Variants in ARHGEF28 observed in about 807,000 individuals in gnomAD.
ARHGEF28 encodes 190 kDa guanine nucleotide exchange factor.
Under a neutral mutation model 206.6 loss-of-function variants are expected in ARHGEF28, and 152 were observed. The observed-to-expected ratio is 0.74, with a 90% confidence interval of 0.64 to 0.84. The LOEUF (loss-of-function observed/expected upper bound fraction) is 0.84. Among genes scored for constraint, ARHGEF28 ranks in the 40% least tolerant of loss-of-function variants. The pLI, the probability that ARHGEF28 is intolerant of heterozygous loss-of-function variation, is 0.00. For missense variants in ARHGEF28, 2,028 were observed against 2,073.2 expected (o/e 0.98, Z 0.42); for synonymous variants, 763 against 776.4 (o/e 0.98, Z 0.29).
At chr5:73,852,875 T>C (rs1035628014) in intron 14 of ARHGEF28, among the ~76,000 whole-genome samples, 183 bp downstream of exon 14, 4 of 152,192 alleles carry the variant, frequency 2.6e-5, no homozygotes, top group African/African-American at 9.7e-5. Flanking sequence ...CCCCTTTCAG[T>C]CCTTGGCTGT....
chr5:73,910,015 G>A, intron 34 of ARHGEF28, 118 bp downstream of exon 34: 1 of 1,358,120 alleles, frequency 7.4e-7, no homozygotes. Flanking sequence ...GACCTCATGA[G>A]GATTTTTCAA....
chr5:73,642,303 T>C (rs1744166016), intron 1 of ARHGEF28, among the ~76,000 whole-genome samples: 1 of 152,228 alleles, frequency 6.6e-6, no homozygotes, highest in South Asian at 2.1e-4. Flanking sequence ...TAGTTTGTCA[T>C]CCTAAATATT....
intron 1 of ARHGEF28, among the ~76,000 whole-genome samples, chr5:73,643,749 A>G (rs1042517149): frequency 6.0e-5 from 9 of 151,024 alleles, no homozygotes; most frequent in Non-Finnish European, 1.0e-4. Flanking sequence ...CAGGAGGCCA[A>G]GGCTGCAGTG....
At chr5:73,738,021 C>G (rs1277102967) in intron 2 of ARHGEF28, among the ~76,000 whole-genome samples, 2 of 152,164 alleles carry the variant, frequency 1.3e-5, no homozygotes, top group Non-Finnish European at 2.9e-5. Flanking sequence ...TATGGTTTAA[C>G]AAAGGTGACG....
chr5:73,769,016 C>T (rs1205512372), intron 4 of ARHGEF28, among the ~76,000 whole-genome samples: 1 of 152,046 alleles, frequency 6.6e-6, no homozygotes, highest in Non-Finnish European at 1.5e-5. Context: ...GTAAGAAGTG[C>T]CTTTTGCCTT....
At chr5:73,823,588 G>A (rs1756721231) in intron 9 of ARHGEF28, among the ~76,000 whole-genome samples, 1 of 152,180 alleles carries the variant, frequency 6.6e-6, no homozygotes, top group African/African-American at 2.4e-5. Flanking sequence ...TGTATCTACT[G>A]TTCTGTGAAT....
At chr5:73,868,806 C>T (rs1759879607) in intron 20 of ARHGEF28, among the ~76,000 whole-genome samples, 1 of 152,110 alleles carries the variant, frequency 6.6e-6, no homozygotes, top group Non-Finnish European at 1.5e-5. Flanking sequence ...ATCACCACCC[C>T]CAGCTAATTT....
At chr5:73,900,961 G>A (rs1580071773) in intron 30 of ARHGEF28, 5 of 431,746 alleles carry the variant, frequency 1.2e-5, no homozygotes, top group African/African-American at 6.0e-5. Context: ...TACTTTGTGC[G>A]GTTCGTCAGT....
chr5:73,856,821 C>CA (rs759096526), intron 14 of ARHGEF28, among the ~76,000 whole-genome samples: 2 of 152,146 alleles, frequency 1.3e-5, no homozygotes, highest in Admixed American at 1.3e-4. Context: ...CTATGGCAAT[C>CA]ATCTACAGAA....
intron 9 of ARHGEF28, among the ~76,000 whole-genome samples, chr5:73,810,739 G>A (rs1755793751): frequency 6.6e-6 from 1 of 152,088 alleles, no homozygotes; most frequent in Admixed American, 6.6e-5. Flanking sequence ...TTTCCCTCAG[G>A]CCCCTTCCTC....
At chr5:73,830,560 G>GAAAAAAAAAAAAAAAAAAAAAA (rs57559151) in intron 9 of ARHGEF28, among the ~76,000 whole-genome samples, 3 of 127,190 alleles carry the variant, frequency 2.4e-5, no homozygotes, top group Non-Finnish European at 3.3e-5. Context: ...CTCAAAAAAA[G>GAAAAAAAAAAAAAAAAAAAAAA]AAAAAAAAAA....
intron 33 of ARHGEF28, among the ~76,000 whole-genome samples, chr5:73,907,337 C>T (rs1345530981): frequency 6.7e-6 from 1 of 150,258 alleles, no homozygotes; most frequent in Non-Finnish European, 1.5e-5. Flanking sequence ...ATTCAAGGTT[C>T]GGAAAAGCTG....
At chr5:73,806,302 GTATAT>G (rs1755437125) in intron 9 of ARHGEF28, among the ~76,000 whole-genome samples, 1 of 127,144 alleles carries the variant, frequency 7.9e-6, no homozygotes, top group Non-Finnish European at 1.6e-5. Context: ...ATATAGTATA[GTATAT>G]ATAGTATATA....
intron 4 of ARHGEF28, among the ~76,000 whole-genome samples, chr5:73,765,878 C>T (rs765656273): frequency 7.9e-5 from 12 of 152,124 alleles, no homozygotes; most frequent in African/African-American, 2.9e-4. Flanking sequence ...GTGGGCTGGG[C>T]GCGGTGGCTC....
At position 73,892,150 on chromosome 5, in the gene ARHGEF28, T is replaced by A. The variant is rs1761681333; in HGVS notation, c.3486T>A (p.Gly1162=). Reference sequence around the variant, plus strand: ...TTCTGATCAGTGCTTCATCTGCTGGTCCTGAGATGTATGAAATTCACACCA... The same window carrying A: ...TTCTGATCAGTGCTTCATCTGCTGGACCTGAGATGTATGAAATTCACACCA... ...GMFLISASSA[G]PEMYEIHTNS... The change falls in exon 27 of 36, where the codon GGT becomes GGA. Residue 1162 remains glycine (G), a synonymous_variant. Coordinates refer to ENST00000513042, the MANE Select transcript of ARHGEF28 (RefSeq NM_001177693.2). The A allele has an allele frequency of 1.9e-6, 3 of 1,585,888 alleles. No individual in the cohort carries two copies. Among genetic ancestry groups the A allele is most frequent in the African/African-American group, 2.7e-5 (2 of 74,668 alleles).
chr5:73,857,560 T>C (rs1250374191), intron 14 of ARHGEF28, 96 bp from the exon 15 acceptor site: 2 of 1,257,904 alleles, frequency 1.6e-6, no homozygotes, highest in African/African-American at 1.6e-5. Flanking sequence ...CATACATATA[T>C]GTGTACACAC....
intron 1 of ARHGEF28, among the ~76,000 whole-genome samples, chr5:73,676,064 C>CT (rs1746658227): frequency 8.8e-6 from 1 of 114,072 alleles, no homozygotes. Flanking sequence ...ATTTGATTTT[C>CT]TTTTCTTTTT....
At chr5:73,703,231 C>T (rs1212002870) in intron 2 of ARHGEF28, among the ~76,000 whole-genome samples, 1 of 152,188 alleles carries the variant, frequency 6.6e-6, no homozygotes, top group African/African-American at 2.4e-5. Context: ...CTGAATGGTA[C>T]TGAAGACAAT....
chr5:73,893,547 A>C (rs940838060), intron 28 of ARHGEF28, among the ~76,000 whole-genome samples: 2 of 152,384 alleles, frequency 1.3e-5, no homozygotes, highest in African/African-American at 2.4e-5. Context: ...AGTGTGGTGC[A>C]GATGAATGTT....
Sources: gnomAD v4.1 joint callset for allele counts (sites outside exome capture counted in the v4.1 genomes callset) on GRCh38, gnomAD v4.1.1 for gene constraint, MANE v1.5 for transcripts, NCBI Gene and HGNC (gene_info 2026-07-23, HGNC 2026-07-21) for gene names.